The following BRD4 variants were observed in gnomAD, a reference collection of about 807,000 sequenced individuals.
BRD4 encodes bromodomain containing 4, also known as bromodomain-containing protein 4.
BRD4 carries 16 observed loss-of-function variants against 142.1 expected under a neutral mutation model. The observed-to-expected ratio is 0.11, with a 90% confidence interval of 0.08 to 0.17. BRD4 has a LOEUF of 0.17. BRD4 is among the 10% of genes least tolerant of loss of function. BRD4 has a pLI of 1.00. For missense variants in BRD4, 1,424 were observed against 1,810.9 expected (o/e 0.79, Z 3.88); for synonymous variants, 833 against 707.5 (o/e 1.18, Z -2.82).
At chr19:15,274,096 C>T (rs1376829447) in intron 1 of BRD4, among the ~76,000 whole-genome samples, 2 of 152,134 alleles carry the variant, frequency 1.3e-5, no homozygotes, top group African/African-American at 4.8e-5. Flanking sequence ...GATAGGAGGC[C>T]AGTGAGATAG....
intron 1 of BRD4, among the ~76,000 whole-genome samples, chr19:15,316,582 A>T (rs372929683): frequency 4.6e-5 from 7 of 152,188 alleles, no homozygotes; most frequent in African/African-American, 1.7e-4. Context: ...CAAGAGCCAA[A>T]CTCCATCTCA....
At chr19:15,250,890 C>A (rs1293159197) in intron 11 of BRD4, among the ~76,000 whole-genome samples, 3 of 152,170 alleles carry the variant, frequency 2.0e-5, no homozygotes, top group Non-Finnish European at 4.4e-5. Flanking sequence ...GTGTCTTCCT[C>A]CAGCCTGCTC....
Position 15,265,591 on chromosome 19 carries a change from A to C in BRD4, c.612T>G (p.Thr204=), listed in dbSNP as rs2047525414. ...GCTGAGGGGTCTGGGTCTGCGGAGG[A>C]GTCGATGCTTGAGTTGTGTTTGGTA... ...STVPNTTQAS[T]PPQTQTPQPN... The change falls in exon 5 of 20, where the codon ACT becomes ACG. Residue 204 remains threonine (T), a synonymous_variant. Transcript: ENST00000679869. The C allele has an allele frequency of 1.2e-6, 2 of 1,613,898 alleles. No homozygotes were observed. Among genetic ancestry groups the C allele is most frequent in the Non-Finnish European group, 1.7e-6 (2 of 1,179,986 alleles).
intron 1 of BRD4, among the ~76,000 whole-genome samples, 180 bp downstream of exon 1, chr19:15,332,110 G>A (rs1330625261): frequency 6.8e-6 from 1 of 146,186 alleles, no homozygotes; most frequent in Non-Finnish European, 1.5e-5. Context: ...GGAACGAACG[G>A]CGCGGGAGGC....
At chr19:15,302,309 G>A (rs1268090217) in intron 1 of BRD4, among the ~76,000 whole-genome samples, 1 of 152,220 alleles carries the variant, frequency 6.6e-6, no homozygotes, top group Non-Finnish European at 1.5e-5. Flanking sequence ...AAGGCAGACA[G>A]ACCTGCAAGT....
chr19:15,287,240 CTT>C (rs200705352), intron 1 of BRD4, among the ~76,000 whole-genome samples: 2 of 145,238 alleles, frequency 1.4e-5, no homozygotes, highest in African/African-American at 2.5e-5. Flanking sequence ...TGCCTTTATT[CTT>C]TTTTTTTTTA....
At chr19:15,329,517 G>C (rs191860911) in intron 1 of BRD4, among the ~76,000 whole-genome samples, 1 of 152,200 alleles carries the variant, frequency 6.6e-6, no homozygotes, top group African/African-American at 2.4e-5. Context: ...GAGGCTGGCG[G>C]ATCACGAGAT....
intron 1 of BRD4, among the ~76,000 whole-genome samples, chr19:15,302,436 C>T (rs796189316): frequency 2.0e-5 from 3 of 151,894 alleles, no homozygotes; most frequent in South Asian, 2.1e-4. Flanking sequence ...GCAGTTCGGC[C>T]ACGCACGGTG....
chr19:15,308,481 G>A (rs986893248), intron 1 of BRD4, among the ~76,000 whole-genome samples: 8 of 151,356 alleles, frequency 5.3e-5, no homozygotes, highest in African/African-American at 1.7e-4. Context: ...CAGCTACTCA[G>A]GAGGCTGAGG....
intron 1 of BRD4, among the ~76,000 whole-genome samples, chr19:15,292,934 C>G (rs1031339701): frequency 6.6e-6 from 1 of 151,938 alleles, no homozygotes; most frequent in Non-Finnish European, 1.5e-5. Flanking sequence ...TCTGCTCACA[C>G]TGCTGGTAGT....
At chr19:15,310,735 T>C (rs1004884671) in intron 1 of BRD4, among the ~76,000 whole-genome samples, 4 of 151,426 alleles carry the variant, frequency 2.6e-5, no homozygotes, top group African/African-American at 9.7e-5. Flanking sequence ...TCTCAGGTGA[T>C]CCACCTGCCT....
intron 1 of BRD4, among the ~76,000 whole-genome samples, chr19:15,327,561 A>G (rs982363532): frequency 1.3e-5 from 2 of 152,158 alleles, no homozygotes; most frequent in Non-Finnish European, 2.9e-5. Context: ...AAAAAAAGAG[A>G]AAAAAAAGTA....
At chr19:15,299,225 G>A (rs2047848363) in intron 1 of BRD4, among the ~76,000 whole-genome samples, 1 of 152,200 alleles carries the variant, frequency 6.6e-6, no homozygotes, top group Admixed American at 6.5e-5. Flanking sequence ...TCTATGAGAA[G>A]TGACCATCAC....
chr19:15,294,692 G>A (rs563041905), intron 1 of BRD4, among the ~76,000 whole-genome samples: 9 of 152,226 alleles, frequency 5.9e-5, no homozygotes, highest in African/African-American at 2.2e-4. Context: ...TCCCAGGGAA[G>A]AATGTTGTAA....
At chr19:15,300,554 TAACAAA>T (rs1599502622) in intron 1 of BRD4, among the ~76,000 whole-genome samples, 1 of 150,976 alleles carries the variant, frequency 6.6e-6, no homozygotes, top group African/African-American at 2.4e-5. Context: ...GACTCCATCT[TAACAAA>T]AACAAAAACA....
intron 11 of BRD4, among the ~76,000 whole-genome samples, chr19:15,251,490 A>G (rs1351196182): frequency 3.5e-5 from 5 of 143,546 alleles, no homozygotes; most frequent in African/African-American, 5.1e-5. Context: ...CTAGGCACCA[A>G]AAGACCAAAG....
At chr19:15,250,759 C>G (rs1364480227) in intron 11 of BRD4, among the ~76,000 whole-genome samples, 1 of 152,186 alleles carries the variant, frequency 6.6e-6, no homozygotes, top group Admixed American at 6.5e-5. Flanking sequence ...CAGATGTCAG[C>G]TATGTGACAA....
Position 15,238,492 on chromosome 19 carries a change from C to G in BRD4, c.4021-47G>C, listed in dbSNP as rs757945788. 2 of 1,612,502 alleles carry G rather than the reference C, an allele frequency of 1.2e-6. No homozygotes were observed. The highest frequency in any genetic ancestry group is 8.5e-7 in the Non-Finnish European group (1 of 1,179,530). ...GAGTCAGGAGGATGACCTAGCCACC[C>G]TGCAGCTACAAGCCCTCATACCCGC... On this transcript the variant is annotated intron_variant, in intron 19 of 19. Transcript: ENST00000679869. This position sits in a 1 kb window ranked among gnomAD's most constrained non-coding sequence, Gnocchi z 7.2.
At chr19:15,265,730 T>G in intron 4 of BRD4, 87 bp from the exon 5 acceptor site, 7 of 1,384,338 alleles carry the variant, frequency 5.1e-6, no homozygotes, top group Middle Eastern at 1.8e-4. Context: ...CCACACACAG[T>G]GAACGCACAT....
Sources: gnomAD v4.1 joint callset for allele counts (sites outside exome capture counted in the v4.1 genomes callset) on GRCh38, gnomAD v4.1.1 for gene constraint, Gnocchi (gnomAD v3.1) non-coding constraint, MANE v1.5 for transcripts, NCBI Gene and HGNC (gene_info 2026-07-23, HGNC 2026-07-21) for gene names.